VMP1: variants seen among roughly 807,000 people sequenced by gnomAD.
VMP1 encodes vacuole membrane protein 1, also known as ectopic P-granules autophagy protein 3 homolog.
Under a neutral mutation model 56.0 loss-of-function variants are expected in VMP1, and 11 were observed. The ratio of observed to expected loss-of-function variants is 0.20; its 90% CI spans 0.12 to 0.32. The LOEUF is 0.32. VMP1 is among the 10% of genes least tolerant of loss of function. The pLI, the probability that VMP1 is intolerant of heterozygous loss-of-function variation, is 1.00. For missense variants in VMP1, 296 were observed against 490.3 expected (o/e 0.60, Z 3.74); for synonymous variants, 149 against 165.0 (o/e 0.90, Z 0.74).
At chr17:59,791,092 A>C (rs775585898) in intron 7 of VMP1, among the ~76,000 whole-genome samples, 1 of 151,286 alleles carries the variant, frequency 6.6e-6, no homozygotes, top group Non-Finnish European at 1.5e-5. Flanking sequence ...ACATAACTGT[A>C]CTCATTTTTC....
intron 3 of VMP1, among the ~76,000 whole-genome samples, chr17:59,737,213 A>T (rs537097290): frequency 6.6e-6 from 1 of 152,294 alleles, no homozygotes; most frequent in South Asian, 2.1e-4. Flanking sequence ...GAGGTTTAAT[A>T]AGATCAGGCT....
At chr17:59,711,498 C>T (rs2143690766) in intron 1 of VMP1, among the ~76,000 whole-genome samples, 1 of 152,286 alleles carries the variant, frequency 6.6e-6, no homozygotes, top group South Asian at 2.1e-4. Context: ...TGTTACTCTG[C>T]TTTCACAAAG....
chr17:59,747,088 A>G (rs1048603769), intron 5 of VMP1, among the ~76,000 whole-genome samples: 1 of 152,196 alleles, frequency 6.6e-6, no homozygotes, highest in South Asian at 2.1e-4. Flanking sequence ...AGTCTGGATA[A>G]ATATATGTGT....
intron 4 of VMP1, among the ~76,000 whole-genome samples, chr17:59,738,606 A>G (rs2035099660): frequency 6.6e-6 from 1 of 152,196 alleles, no homozygotes; most frequent in Non-Finnish European, 1.5e-5. Flanking sequence ...GTTTAGAAAC[A>G]AGGCTTTTAT....
rs546315242 is a variant in VMP1, at chr17:59,713,814, G to A, written c.-27+6066G>A. ...TCCCAACACTGAGAGGCCAAGGTGCGCAGATCACTTGAGGTCAAGAGTTCA... is the reference window on the plus strand; with the variant it reads ...TCCCAACACTGAGAGGCCAAGGTGCACAGATCACTTGAGGTCAAGAGTTCA... On this transcript the variant is annotated intron_variant, in intron 1 of 11. Transcript: ENST00000262291. Among the ~76,000 whole-genome samples the A allele has an allele frequency of 1.9e-4, 29 of 150,996 alleles. No individual in the cohort carries two copies. In the Middle Eastern group the frequency reaches 0.017, roughly 89 times the overall value.
chr17:59,800,623 A>G (rs1187979680), intron 7 of VMP1, among the ~76,000 whole-genome samples: 2 of 152,236 alleles, frequency 1.3e-5, no homozygotes, highest in South Asian at 2.1e-4. Context: ...CATATGCCAC[A>G]TAACAGCCTT....
At chr17:59,833,272 C>T (rs1343340866) in intron 10 of VMP1, among the ~76,000 whole-genome samples, 4 of 151,802 alleles carry the variant, frequency 2.6e-5, no homozygotes, top group Non-Finnish European at 4.4e-5. Flanking sequence ...TTATCTAGTC[C>T]GTTACTAAAA....
intron 5 of VMP1, among the ~76,000 whole-genome samples, chr17:59,748,207 A>C (rs1030361203): frequency 5.2e-4 from 79 of 151,980 alleles, no homozygotes; most frequent in Non-Finnish European, 9.9e-4. Context: ...AAAAAAAAAA[A>C]AAAAAAAAAA....
intron 10 of VMP1, among the ~76,000 whole-genome samples, chr17:59,829,144 A>T (rs1264917307): frequency 6.6e-6 from 1 of 152,140 alleles, no homozygotes; most frequent in Non-Finnish European, 1.5e-5. Flanking sequence ...AAACAAAAAG[A>T]TTCATGTGTT....
chr17:59,808,964 A>G (rs1256779253), intron 8 of VMP1, 88 bp downstream of exon 8: 13 of 1,075,422 alleles, frequency 1.2e-5, no homozygotes, highest in East Asian at 5.1e-5. Context: ...CAAAAGTGCT[A>G]TCACTTTTAT....
intron 8 of VMP1, among the ~76,000 whole-genome samples, chr17:59,810,598 ATATTAT>A (rs964102555): frequency 7.9e-5 from 12 of 152,322 alleles, no homozygotes; most frequent in Non-Finnish European, 1.6e-4. Flanking sequence ...TGTGTAAATG[ATATTAT>A]TATATGGTTG....
At chr17:59,715,164 A>G (rs1239049314) in intron 1 of VMP1, among the ~76,000 whole-genome samples, 2 of 152,178 alleles carry the variant, frequency 1.3e-5, no homozygotes, top group African/African-American at 4.8e-5. Context: ...AAATATTTGA[A>G]TTGCTTTTTT....
At chr17:59,827,809 C>T (rs978351845) in intron 10 of VMP1, among the ~76,000 whole-genome samples, 2 of 151,954 alleles carry the variant, frequency 1.3e-5, no homozygotes, top group African/African-American at 4.8e-5. Context: ...AAATTAGCTA[C>T]TGTGGCCCCA....
At chr17:59,764,775 T>A (rs868367333) in intron 5 of VMP1, among the ~76,000 whole-genome samples, 196 bp from the exon 6 acceptor site, 81 of 152,182 alleles carry the variant, frequency 5.3e-4, no homozygotes, top group African/African-American at 1.8e-3. Context: ...GATTTTTTTT[T>A]AAGTCAACCA....
intron 5 of VMP1, among the ~76,000 whole-genome samples, chr17:59,739,205 G>GA (rs1831947587): frequency 6.6e-6 from 1 of 152,070 alleles, no homozygotes; most frequent in African/African-American, 2.4e-5. Flanking sequence ...AGCGTGGAAG[G>GA]TTTTTCTTTT....
chr17:59,835,928 T>G (rs12952653), intron 10 of VMP1, among the ~76,000 whole-genome samples: 20,542 of 149,202 alleles, frequency 0.14, 1,583 homozygotes, highest in Middle Eastern at 0.18. Flanking sequence ...TGTCATTTAT[T>G]TCTAGTCTAA....
At chr17:59,821,065 G>T (rs2038430162) in intron 10 of VMP1, among the ~76,000 whole-genome samples, 2 of 151,290 alleles carry the variant, frequency 1.3e-5, no homozygotes, top group Admixed American at 1.3e-4. Context: ...CCGCCTCCTG[G>T]GTCCATGCCA....
intron 6 of VMP1, among the ~76,000 whole-genome samples, chr17:59,768,614 A>T (rs941801478): frequency 1.6e-4 from 24 of 151,972 alleles, no homozygotes; most frequent in African/African-American, 5.1e-4. Flanking sequence ...AAGAAAAAAA[A>T]ACAAGGGGGA....
At chr17:59,751,133 C>T (rs528847091) in intron 5 of VMP1, among the ~76,000 whole-genome samples, 4 of 151,980 alleles carry the variant, frequency 2.6e-5, no homozygotes, top group East Asian at 3.9e-4. Flanking sequence ...AGGGTTTCAC[C>T]GTGTTAGCCA....
Sources: allele counts gnomAD v4.1 joint callset (sites outside exome capture counted in the v4.1 genomes callset), GRCh38; gene constraint gnomAD v4.1.1; transcripts MANE v1.5; gene names NCBI Gene and HGNC (gene_info 2026-07-23, HGNC 2026-07-21).